The following KANK3 variants were observed in gnomAD, a reference collection of about 807,000 sequenced individuals.
The protein encoded by KANK3 is KN motif and ankyrin repeat domain-containing protein 3.
A neutral mutation model predicts 65.4 loss-of-function variants in KANK3; 61 were observed. That is an observed-to-expected ratio of 0.93 (90% CI 0.76 to 1.15). The LOEUF is 1.15. KANK3 is among the 50% of genes most tolerant of loss of function. The pLI, the probability that KANK3 is intolerant of heterozygous loss-of-function variation, is 0.00. For synonymous variants in KANK3, 586 were observed against 543.3 expected (o/e 1.08, Z -1.09); for missense variants, 1,187 against 1,178.8 (o/e 1.01, Z -0.10).
rs1375692310 is a variant in KANK3 at position 8,324,776 on chromosome 19, C to T, written c.2137G>A (p.Ala713Thr). The T allele has an allele frequency of 1.2e-6, 2 of 1,613,968 alleles. No individual in the cohort carries two copies. Residue 713 changes from alanine to threonine, a missense_variant, in exon 9 of 11, where the codon GCA becomes ACA. This residue lies in a region of KANK3 where 1,078 missense variants were observed against 1,038.2 expected (regional missense o/e 1.04). Transcript: ENST00000330915. The stretch of plus-strand genomic sequence containing the variant: ...TCAGCCCCACACGCCAGTAGGGTTG[C>T]CACCATGTCCTGTCGGCCATGGCTG... ...AISHGRQDMVATLLACGADVN... is the reference protein window; with the variant it reads ...AISHGRQDMVTTLLACGADVN...
chr19:8,334,583 G>T lies in KANK3; in HGVS notation c.1244C>A (p.Thr415Asn). ...GGAGGGCGCCTCTGCCGGGGACTCG[G>T]TCTGCGCGGCCTTTTCGGCACAGCT... is the stretch of plus-strand genomic sequence containing the variant. The part of the protein sequence containing the change: ...PWSCAEKAAQ[T>N]ESPAEAPSLT... The change falls in exon 3 of 11, where the codon ACC becomes AAC. Residue 415 changes from threonine to asparagine, a missense_variant. Thr to Asn is a moderately conservative substitution (Grantham distance 65). Coordinates refer to ENST00000330915, the MANE Select transcript of KANK3 (RefSeq NM_198471.3). 2 of 1,594,822 alleles carry T rather than the reference G, an allele frequency of 1.3e-6. No homozygotes were observed. Among genetic ancestry groups the T allele is most frequent in the Non-Finnish European group, 1.7e-6 (2 of 1,177,594 alleles).
At chr19:8,328,081 C>A (rs1970459195) in intron 7 of KANK3, among the ~76,000 whole-genome samples, 1 of 152,156 alleles carries the variant, frequency 6.6e-6, no homozygotes, top group African/African-American at 2.4e-5. Context: ...AGTTCGAGAA[C>A]AGCCTGGACA....
In KANK3 at chr19:8,334,017, G is replaced by A; in HGVS notation, c.1527C>T (p.Asp509=). 1.3e-6 allele frequency: 2 copies of A among 1,557,656 alleles called. No homozygotes were observed. Among genetic ancestry groups the A allele is most frequent in the Non-Finnish European group, 1.7e-6 (2 of 1,157,952 alleles). The change falls in exon 5 of 11, where the codon GAC becomes GAT. Residue 509 remains aspartate (D), a synonymous_variant. Transcript: ENST00000330915. The part of the protein sequence containing the change: ...PPGSSSGSGD[D]SGGGSDSGTP... ...TGCCCGAGTCGGATCCCCCGCCGCT[G>A]TCATCCCCGGAGCCCGAGGAGCTAC...
rs1277837897 is a variant in KANK3, at chr19:8,335,743, GC to G, written c.83del (p.Arg28ProfsTer25). 8.0e-7 allele frequency: 1 copy of G among 1,245,552 alleles called. No homozygotes were observed. The highest frequency in any genetic ancestry group is 1.0e-6 in the Non-Finnish European group (1 of 990,510). 77.2% of individuals were successfully genotyped at this position (1,245,552 alleles called of 1,614,324 possible). A position where few individuals can be genotyped will look rare whatever the true frequency, so the allele number is the denominator to read the frequency against. ...CCACCGAGTAGGGCGAGCTCGGGCT[GC>G]GTGCGCCCCCGGCGGCGGGGACCGG... Reference protein sequence around the residue: ...LCPVPAAGGARSPSSPYSVET... With the variant: ...LCPVPAAGGAXSPSSPYSVET... On this transcript the variant is annotated frameshift_variant, in exon 3 of 11. Coordinates refer to ENST00000330915, the MANE Select transcript of KANK3 (RefSeq NM_198471.3). LOFTEE classifies it high-confidence loss of function.
chr19:8,326,481 T>TAA (rs369948563), intron 7 of KANK3, among the ~76,000 whole-genome samples: 158 of 119,452 alleles, frequency 1.3e-3, no homozygotes, highest in South Asian at 2.5e-3. Flanking sequence ...CCACCTGTTG[T>TAA]AAAAAAAAAA....
intron 7 of KANK3, among the ~76,000 whole-genome samples, chr19:8,330,094 A>G (rs530759790): frequency 4.3e-4 from 65 of 152,256 alleles, no homozygotes; most frequent in African/African-American, 1.4e-3. Context: ...GCTCCAAGGT[A>G]GGGTTTGAGA....
chr19:8,338,888 AAAAAAAAAAAAG>A (rs1315622022), intron 1 of KANK3, among the ~76,000 whole-genome samples: 2 of 149,646 alleles, frequency 1.3e-5, no homozygotes, highest in East Asian at 1.9e-4. Flanking sequence ...AAAAAAAAAA[AAAAAAAAAAAAG>A]GATGTAATTG....
chr19:8,340,840 G>T (rs1970715035), intron 1 of KANK3, among the ~76,000 whole-genome samples: 1 of 152,226 alleles, frequency 6.6e-6, no homozygotes. Context: ...GCTGCAAGGG[G>T]TGGATCAACA....
chr19:8,335,477 T>C lies in KANK3; in HGVS notation c.350A>G (p.Gln117Arg), dbSNP rs1156975376. 3 of 1,237,810 alleles carry C rather than the reference T, an allele frequency of 2.4e-6. No homozygotes were observed. The highest frequency in any genetic ancestry group is 2.0e-6 in the Non-Finnish European group (2 of 987,112). The allele number at this position is 1,237,810 out of a possible 1,614,324, so 76.7% of individuals were successfully genotyped here. Reference sequence around the variant, plus strand: ...CACGGGCGCGCGCGGCGACAGCGGCTGCATCAGGAGCCCCGAGGGCGCGCC... The same window carrying C: ...CACGGGCGCGCGCGGCGACAGCGGCCGCATCAGGAGCCCCGAGGGCGCGCC... The part of the protein sequence containing the change: ...SQGAPSGLLM[Q>R]PLSPRAPVRN... Residue 117 changes from glutamine (Q) to arginine (R), a missense_variant, in exon 3 of 11, where the codon CAG becomes CGG. Physicochemically the swap from Gln to Arg is conservative, Grantham distance 43. Around this residue, in one of 3 missense-constraint regions of KANK3, gnomAD observed 1,078 missense variants for 1,038.2 expected, o/e 1.04. Transcript: ENST00000330915.
At position 8,324,444 on chromosome 19, in the gene KANK3, C is replaced by T. The variant is rs762840141; in HGVS notation, c.2382+5G>A. ...AAAGTTTGTTTCTTCCAGAGCTGTG[C>T]TCACCTGGGTGTCGGGCTGGCCCGA... On this transcript the variant is annotated splice_donor_5th_base_variant and intron_variant, in intron 10 of 10. Coordinates refer to ENST00000330915, the MANE Select transcript of KANK3 (RefSeq NM_198471.3). The T allele has an allele frequency of 1.0e-5, 16 of 1,592,768 alleles. No individual in the cohort carries two copies. In the Admixed American group the frequency reaches 1.8e-4, roughly 18 times the overall value.
chr19:8,326,895 G>A (rs893888335), intron 7 of KANK3, among the ~76,000 whole-genome samples: 2 of 152,078 alleles, frequency 1.3e-5, no homozygotes, highest in African/African-American at 2.4e-5. Context: ...GGCAGCCCTA[G>A]GAAGCAAAAC....
intron 7 of KANK3, among the ~76,000 whole-genome samples, chr19:8,327,611 CAG>C (rs1241883416): frequency 6.6e-6 from 1 of 151,998 alleles, no homozygotes. Context: ...AGCCTGGTGA[CAG>C]AGCGACACTC....
chr19:8,331,274 G>A (rs1033178277), intron 7 of KANK3, among the ~76,000 whole-genome samples: 7 of 152,140 alleles, frequency 4.6e-5, no homozygotes, highest in Non-Finnish European at 2.9e-5. Flanking sequence ...GGGGCCTCTT[G>A]CAGTGACCAA....
chr19:8,324,335 G>T, intron 10 of KANK3, 114 bp downstream of exon 10: 1 of 910,298 alleles, frequency 1.1e-6, no homozygotes, highest in Non-Finnish European at 1.7e-6. Context: ...CACTGGTTCT[G>T]CACCCCTGGT....
chr19:8,337,988 T>A, intron 1 of KANK3, 132 bp from the exon 2 acceptor site: 2 of 1,256,566 alleles, frequency 1.6e-6, no homozygotes, highest in Non-Finnish European at 1.1e-6. Flanking sequence ...ACATGGCCTC[T>A]CCTTCCTCTT....
chr19:8,338,168 C>T (rs1189652766), intron 1 of KANK3, among the ~76,000 whole-genome samples: 1 of 151,722 alleles, frequency 6.6e-6, no homozygotes, highest in Non-Finnish European at 1.5e-5. Flanking sequence ...ATTACAGGTG[C>T]CCACCACCAC....
intron 1 of KANK3, among the ~76,000 whole-genome samples, chr19:8,340,291 T>TATATATATATATACAC (rs1472181365): frequency 4.1e-4 from 38 of 92,842 alleles, no homozygotes; most frequent in South Asian, 3.6e-3. Context: ...TATATATATA[T>TATATATATATATACAC]ACACACACAC....
chr19:8,325,133 A>G (rs1970402652), intron 7 of KANK3, 37 bp from the exon 8 acceptor site: 1 of 1,582,644 alleles, frequency 6.3e-7, no homozygotes, highest in Non-Finnish European at 8.6e-7. Context: ...GGAGATGCCA[A>G]CACCGCGGCC....
At chr19:8,326,812 A>AC (rs1970438076) in intron 7 of KANK3, among the ~76,000 whole-genome samples, 1 of 151,688 alleles carries the variant, frequency 6.6e-6, no homozygotes, top group Non-Finnish European at 1.5e-5. Flanking sequence ...AAAAAAAAAA[A>AC]AAACCTGCCA....
Sources: gnomAD v4.1 joint callset for allele counts (sites outside exome capture counted in the v4.1 genomes callset) on GRCh38, gnomAD v4.1.1 for gene constraint, gnomAD v4.1.1 regional missense constraint, MANE v1.5 for transcripts, NCBI Gene and HGNC (gene_info 2026-07-23, HGNC 2026-07-21) for gene names.